Variants in LRP1B observed in about 807,000 individuals in gnomAD.
The protein encoded by LRP1B is LDL receptor related protein 1B, also known as low-density lipoprotein receptor-related protein 1B.
Under a neutral mutation model 556.6 loss-of-function variants are expected in LRP1B, and 217 were observed. That is an observed-to-expected ratio of 0.39 (90% confidence interval 0.35 to 0.44). The LOEUF (loss-of-function observed/expected upper bound fraction) is 0.44, where lower values mean the gene tolerates loss of function less well. LRP1B is among the 20% of genes least tolerant of loss of function. LRP1B has a pLI of 1.00. For missense variants in LRP1B, 5,053 were observed against 5,620.8 expected (o/e 0.90, Z 3.23); for synonymous variants, 2,047 against 1,865.8 (o/e 1.10, Z -2.50).
At chr2:141,449,683 C>G (rs897793656) in intron 3 of LRP1B, among the ~76,000 whole-genome samples, 1 of 152,152 alleles carries the variant, frequency 6.6e-6, no homozygotes, top group Non-Finnish European at 1.5e-5. Flanking sequence ...ATATCACATA[C>G]ATAGAATCAT....
chr2:141,410,692 T>C (rs930825376), intron 3 of LRP1B, among the ~76,000 whole-genome samples: 4 of 152,052 alleles, frequency 2.6e-5, no homozygotes, highest in African/African-American at 9.7e-5. Context: ...TTGTCCTATA[T>C]TGTGATTTCC....
chr2:140,256,442 T>C (rs1681685360), intron 86 of LRP1B, among the ~76,000 whole-genome samples: 1 of 143,320 alleles, frequency 7.0e-6, no homozygotes, highest in Non-Finnish European at 1.5e-5. Context: ...TTTCTCTTTT[T>C]TCCTTCCTTT....
At chr2:141,025,671 C>A (rs1388428955) in intron 11 of LRP1B, among the ~76,000 whole-genome samples, 1 of 152,054 alleles carries the variant, frequency 6.6e-6, no homozygotes, top group Non-Finnish European at 1.5e-5. Context: ...ATGTACTCTG[C>A]AAATTTTGGA....
chr2:141,927,191 C>A (rs1347065462), intron 1 of LRP1B, among the ~76,000 whole-genome samples: 1 of 150,128 alleles, frequency 6.7e-6, no homozygotes, highest in African/African-American at 2.5e-5. Flanking sequence ...AAAATGATGA[C>A]CCATTCCCCT....
chr2:142,058,873 T>C (rs12105566), intron 1 of LRP1B, among the ~76,000 whole-genome samples: 91,430 of 151,942 alleles, frequency 0.6, 28,839 homozygotes, highest in East Asian at 0.69. Flanking sequence ...AATTTCACTC[T>C]CTCATTATTT....
rs187262907 is a variant in LRP1B, at chr2:141,896,027, C to T, written c.83-85626G>A. 2.6e-3 allele frequency among the ~76,000 whole-genome samples: 402 copies of T among 152,088 alleles called. 1 individual carries two copies. The highest frequency in any genetic ancestry group is 9.3e-3 in the African/African-American group (384 of 41,486). On this transcript the variant is annotated intron_variant, in intron 1 of 90. Coordinates refer to ENST00000389484, the MANE Select transcript of LRP1B (RefSeq NM_018557.3). ...ATTGCCTATTATGTTTTCATCAGTGCTAACAGAAAAGTTTCCAACATTATT... is the reference window on the plus strand; with the variant it reads ...ATTGCCTATTATGTTTTCATCAGTGTTAACAGAAAAGTTTCCAACATTATT...
At chr2:141,165,635 A>C (rs13016322) in intron 7 of LRP1B, among the ~76,000 whole-genome samples, 64,555 of 151,746 alleles carry the variant, frequency 0.43, 15,813 homozygotes, top group Middle Eastern at 0.58. Flanking sequence ...ATATAATATG[A>C]AATTGTGTTA....
At chr2:140,739,041 G>A (rs1169093415) in intron 35 of LRP1B, among the ~76,000 whole-genome samples, 1 of 152,136 alleles carries the variant, frequency 6.6e-6, no homozygotes, top group Non-Finnish European at 1.5e-5. Context: ...GTGCAGCATG[G>A]TCTGCCACAT....
At chr2:141,044,933 G>T (rs953859695) in intron 11 of LRP1B, among the ~76,000 whole-genome samples, 2 of 150,980 alleles carry the variant, frequency 1.3e-5, no homozygotes, top group African/African-American at 4.9e-5. Context: ...TATACCCAAA[G>T]GACTATAAAT....
chr2:140,341,897 G>A (rs1227217817), intron 77 of LRP1B, among the ~76,000 whole-genome samples: 5 of 151,234 alleles, frequency 3.3e-5, no homozygotes, highest in African/African-American at 1.2e-4. Context: ...TTGGGTCTGG[G>A]GTGGATAGAC....
intron 1 of LRP1B, among the ~76,000 whole-genome samples, chr2:141,835,292 G>A (rs1697241125): frequency 6.6e-6 from 1 of 151,970 alleles, no homozygotes; most frequent in African/African-American, 2.4e-5. Context: ...GTGAGAGTCA[G>A]CCAGGCAGTA....
chr2:141,832,332 C>T (rs202186999), intron 1 of LRP1B, among the ~76,000 whole-genome samples: 33,958 of 117,974 alleles, frequency 0.29, 4,023 homozygotes, highest in East Asian at 0.4. Flanking sequence ...CTCTCTCACA[C>T]ACACACACAC....
chr2:141,144,665 G>A (rs1167823498), intron 7 of LRP1B, among the ~76,000 whole-genome samples: 1 of 152,084 alleles, frequency 6.6e-6, no homozygotes, highest in African/African-American at 2.4e-5. Flanking sequence ...AGCTTTCTAT[G>A]ATGGAACAGG....
chr2:141,341,251 C>G (rs544611118), intron 3 of LRP1B, among the ~76,000 whole-genome samples: 20 of 152,308 alleles, frequency 1.3e-4, no homozygotes, highest in African/African-American at 4.8e-4. Flanking sequence ...TTGAGCCATT[C>G]TGAGCATCTG....
chr2:140,975,789 C>T lies in LRP1B; in HGVS notation c.2887+6371G>A, dbSNP rs552438154. ...TTCTTAGAAAATAAAAAATATTATA[C>T]TTAATCAGGAACTTTGCTTTTCTAA... On this transcript the variant is annotated intron_variant, in intron 18 of 90. Coordinates refer to ENST00000389484, the MANE Select transcript of LRP1B (RefSeq NM_018557.3). Among the ~76,000 whole-genome samples, 5 of 152,248 alleles carry T rather than the reference C, an allele frequency of 3.3e-5. No individual in the cohort carries two copies. The South Asian group carries it at 1.0e-3, about 32-fold the overall frequency.
At chr2:141,484,516 T>A (rs951376822) in intron 2 of LRP1B, among the ~76,000 whole-genome samples, 1 of 152,134 alleles carries the variant, frequency 6.6e-6, no homozygotes. Context: ...ATTGGTAACT[T>A]GATGGGGATG....
chr2:141,386,456 T>C (rs1339048537), intron 3 of LRP1B, among the ~76,000 whole-genome samples: 2 of 152,028 alleles, frequency 1.3e-5, no homozygotes, highest in Non-Finnish European at 2.9e-5. Context: ...TGATCCAACC[T>C]ATATACTGTC....
intron 16 of LRP1B, among the ~76,000 whole-genome samples, chr2:140,992,842 A>G (rs570301083): frequency 2.6e-5 from 4 of 152,178 alleles, no homozygotes; most frequent in African/African-American, 9.6e-5. Context: ...TGTGGGTTCA[A>G]ACTTTGCAGG....
At chr2:141,443,670 A>G (rs1681071305) in intron 3 of LRP1B, among the ~76,000 whole-genome samples, 1 of 152,148 alleles carries the variant, frequency 6.6e-6, no homozygotes, top group Non-Finnish European at 1.5e-5. Context: ...TCTCAACACC[A>G]TTTATTAAAC....
Sources: allele counts gnomAD v4.1 joint callset (sites outside exome capture counted in the v4.1 genomes callset), GRCh38; gene constraint gnomAD v4.1.1; transcripts MANE v1.5; gene names NCBI Gene and HGNC (gene_info 2026-07-23, HGNC 2026-07-21).